The following FAM107B variants were observed in gnomAD, a reference collection of about 807,000 sequenced individuals.
The protein encoded by FAM107B is protein FAM107B.
Under a neutral mutation model 31.5 loss-of-function variants are expected in FAM107B, and 21 were observed. The ratio of observed to expected loss-of-function variants is 0.67; its 90% CI spans 0.47 to 0.96. FAM107B has a LOEUF of 0.96. Ranked by LOEUF, FAM107B falls within the 40% of genes least tolerant of loss-of-function variation. FAM107B has a pLI of 0.00. For synonymous variants in FAM107B, 157 were observed against 141.5 expected (o/e 1.11, Z -0.78); for missense variants, 452 against 377.1 (o/e 1.20, Z -1.64).
At chr10:14,682,300 G>A (rs1854855279) in intron 1 of FAM107B, among the ~76,000 whole-genome samples, 1 of 152,128 alleles carries the variant, frequency 6.6e-6, no homozygotes, top group Non-Finnish European at 1.5e-5. Flanking sequence ...AGGCCGAGGT[G>A]GGTGGATCAT....
chr10:14,593,949 T>A (rs906851365), intron 2 of FAM107B, among the ~76,000 whole-genome samples: 1 of 152,198 alleles, frequency 6.6e-6, no homozygotes, highest in Non-Finnish European at 1.5e-5. Context: ...TAGATAAACA[T>A]GTTGAAAAAT....
intron 1 of FAM107B, among the ~76,000 whole-genome samples, chr10:14,758,227 G>C (rs868377651): frequency 3.9e-5 from 6 of 152,166 alleles, no homozygotes; most frequent in African/African-American, 1.4e-4. Flanking sequence ...CAATGGCCAG[G>C]AATCCTTCAC....
At chr10:14,607,229 CT>C (rs1852616977) in intron 2 of FAM107B, among the ~76,000 whole-genome samples, 1 of 152,174 alleles carries the variant, frequency 6.6e-6, no homozygotes, top group African/African-American at 2.4e-5. Context: ...ACCATAATTT[CT>C]TTTAAACCAA....
chr10:14,640,769 G>T (rs1249094536), intron 2 of FAM107B, among the ~76,000 whole-genome samples: 1 of 152,126 alleles, frequency 6.6e-6, no homozygotes, highest in Non-Finnish European at 1.5e-5. Flanking sequence ...TAGTCAAACT[G>T]TTCATTGTCA....
chr10:14,533,190 C>T (rs986226075), intron 2 of FAM107B, among the ~76,000 whole-genome samples: 1 of 152,084 alleles, frequency 6.6e-6, no homozygotes. Context: ...GCAGGCAGGG[C>T]GGCAGATGCA....
chr10:14,765,359 T>C (rs1186014848), intron 1 of FAM107B, among the ~76,000 whole-genome samples: 2 of 152,226 alleles, frequency 1.3e-5, no homozygotes, highest in Admixed American at 6.5e-5. Context: ...ATCTGCACCA[T>C]GTAAATTTTC....
intron 2 of FAM107B, among the ~76,000 whole-genome samples, chr10:14,582,077 A>G (rs1851653378): frequency 6.6e-6 from 1 of 152,192 alleles, no homozygotes; most frequent in Admixed American, 6.5e-5. Flanking sequence ...ACTCCCAGTT[A>G]TGGCACATAA....
In FAM107B at chr10:14,567,562, C is replaced by T. The variant is rs534230241; in HGVS notation, c.470-37047G>A. Among the ~76,000 whole-genome samples, 3 of 152,266 alleles carry T rather than the reference C, an allele frequency of 2.0e-5. No homozygotes were observed. The East Asian group carries it at 5.8e-4, about 29-fold the overall frequency. On this transcript the variant is annotated intron_variant, in intron 2 of 4. Transcript: ENST00000181796. ...TAGAGAGGCAACTGTGTAACTTTCTCTGGCAGAACTCAGAAGTCCAGGGAC... is the reference window on the plus strand; with the variant it reads ...TAGAGAGGCAACTGTGTAACTTTCTTTGGCAGAACTCAGAAGTCCAGGGAC...
chr10:14,572,446 A>C (rs975722142), intron 2 of FAM107B: 1 of 975,972 alleles, frequency 1.0e-6, no homozygotes, highest in African/African-American at 1.8e-5. Flanking sequence ...CATCACCACA[A>C]CACCTACAGC....
intron 1 of FAM107B, among the ~76,000 whole-genome samples, chr10:14,679,097 C>T (rs1188526082): frequency 6.6e-6 from 1 of 152,062 alleles, no homozygotes; most frequent in South Asian, 2.1e-4. Flanking sequence ...ACTGTGTGAG[C>T]CTCAGTTTCA....
intron 2 of FAM107B, among the ~76,000 whole-genome samples, chr10:14,643,604 T>G (rs922483028): frequency 1.3e-5 from 2 of 152,002 alleles, no homozygotes; most frequent in Admixed American, 6.6e-5. Context: ...GAGACAGGGT[T>G]TTACCCTGTT....
intron 2 of FAM107B, among the ~76,000 whole-genome samples, chr10:14,646,748 G>A (rs191479982): frequency 7.6e-6 from 1 of 130,882 alleles, no homozygotes; most frequent in Non-Finnish European, 1.6e-5. Flanking sequence ...TCGCCATACT[G>A]TTTTCCATTG....
chr10:14,535,200 A>G (rs1448443883), intron 2 of FAM107B, among the ~76,000 whole-genome samples: 1 of 152,230 alleles, frequency 6.6e-6, no homozygotes, highest in Non-Finnish European at 1.5e-5. Context: ...TATTAAGTCA[A>G]TTAAGGAAAA....
At chr10:14,653,135 G>C (rs914551519) in intron 2 of FAM107B, among the ~76,000 whole-genome samples, 3 of 152,182 alleles carry the variant, frequency 2.0e-5, no homozygotes, top group Admixed American at 6.5e-5. Context: ...AATTACACTT[G>C]TGACCTAATG....
At position 14,542,089 on chromosome 10, in the gene FAM107B, TA is replaced by T. The variant is rs1173731096; in HGVS notation, c.470-11575del. On this transcript the variant is annotated intron_variant, in intron 2 of 4. Coordinates refer to ENST00000181796, the MANE Select transcript of FAM107B (RefSeq NM_031453.4). ...CTTGGCCAAGTAGAAACCCCATCTC[TA>T]CTTAAAAAAATAATAATAATAATAC... Among the ~76,000 whole-genome samples, 3 of 151,856 alleles carry T rather than the reference TA, an allele frequency of 2.0e-5. No individual in the cohort carries two copies. The East Asian group carries it at 5.8e-4, about 29-fold the overall frequency.
intron 2 of FAM107B, chr10:14,612,689 T>TATG (rs1852754079): frequency 6.6e-6 from 1 of 152,168 alleles, no homozygotes; most frequent in South Asian, 2.1e-4. Flanking sequence ...AATACAAAGA[T>TATG]ATGATAGAAC....
rs771711352 is a variant in FAM107B at position 14,774,432 on chromosome 10, C to G, written c.232G>C (p.Asp78His). 1 of 1,614,218 alleles carries G rather than the reference C, an allele frequency of 6.2e-7. No individual in the cohort carries two copies. Among genetic ancestry groups the G allele is most frequent in the East Asian group, 2.2e-5 (1 of 44,886 alleles). ...SAEGAPEKRQ[D>H]SSTHAERNGS... Reference sequence around the variant, plus strand: ...TTTCTCTCTGCATGGGTGCTCGAATCTTGCCTTTTCTCTGGAGCTCCTTCT... The same window carrying G: ...TTTCTCTCTGCATGGGTGCTCGAATGTTGCCTTTTCTCTGGAGCTCCTTCT... The change falls in exon 1 of 5, where the codon GAT becomes CAT. Residue 78 changes from aspartate (D) to histidine (H), a missense_variant. By Grantham distance (81) the Asp-to-His change is moderately conservative. Transcript: ENST00000181796.
intron 2 of FAM107B, among the ~76,000 whole-genome samples, chr10:14,570,664 T>C (rs1001721488): frequency 6.6e-6 from 1 of 152,080 alleles, no homozygotes; most frequent in Non-Finnish European, 1.5e-5. Context: ...CAGCTGGGCA[T>C]GGTGGCGAGT....
chr10:14,751,674 T>C (rs1297605251), intron 1 of FAM107B, among the ~76,000 whole-genome samples: 1 of 151,888 alleles, frequency 6.6e-6, no homozygotes, highest in Non-Finnish European at 1.5e-5. Context: ...GGCCTCCTTA[T>C]AAGGAAATTA....
Sources: gnomAD v4.1 joint callset for allele counts (sites outside exome capture counted in the v4.1 genomes callset) on GRCh38, gnomAD v4.1.1 for gene constraint, MANE v1.5 for transcripts, NCBI Gene and HGNC (gene_info 2026-07-23, HGNC 2026-07-21) for gene names.